EMC10: variants seen among roughly 807,000 people sequenced by gnomAD.
The protein encoded by EMC10 is ER membrane protein complex subunit 10.
Under a neutral mutation model 32.2 loss-of-function variants are expected in EMC10, and 40 were observed. The observed-to-expected ratio is 1.24, with a 90% confidence interval of 0.96 to 1.61. The LOEUF (loss-of-function observed/expected upper bound fraction) is 1.61, where lower values mean the gene tolerates loss of function less well. Ranked by LOEUF, EMC10 falls within the 40% of genes most tolerant of loss-of-function variation. EMC10 has a pLI of 0.00. For synonymous variants in EMC10, 178 were observed against 158.4 expected (o/e 1.12, Z -0.93); for missense variants, 402 against 357.7 (o/e 1.12, Z -1.00).
chr19:50,476,913 C>A (rs548881862), intron 1 of EMC10: 11 of 390,632 alleles, frequency 2.8e-5, no homozygotes, highest in African/African-American at 2.1e-4. Context: ...GGGGGCGGGG[C>A]TGGGGGTGTG....
chr19:50,482,496 T>C lies in EMC10; in HGVS notation c.*237T>C. On this transcript the variant is annotated 3_prime_UTR_variant, in exon 7 of 7. Transcript: ENST00000334976. ...TGCGCCCGCCTCCCCCATGGCCCCA[T>C]GCAGCCCCAGGGGCTTCCCCCCTGC... is the stretch of plus-strand genomic sequence containing the variant. The C allele has an allele frequency of 1.7e-6, 1 of 578,868 alleles. No homozygotes were observed. Among genetic ancestry groups the C allele is most frequent in the South Asian group, 2.1e-5 (1 of 46,544 alleles). 35.9% of individuals were successfully genotyped at this position (578,868 alleles called of 1,614,324 possible). A position where few individuals can be genotyped will look rare whatever the true frequency, so the allele number is the denominator to read the frequency against.
At chr19:50,477,305 A>C (rs2122654058) in intron 1 of EMC10, 1 of 152,614 alleles carries the variant, frequency 6.6e-6, no homozygotes, top group South Asian at 2.0e-4. Flanking sequence ...CGGGAGGCTG[A>C]GGCAGGAGAA....
Position 50,476,535 on chromosome 19 carries a change from A to T in EMC10, c.-10A>T. 1 of 1,571,056 alleles carries T rather than the reference A, an allele frequency of 6.4e-7. No homozygotes were observed. The highest frequency in any genetic ancestry group is 1.1e-5 in the South Asian group (1 of 87,892). ...CACAGCCGTCCCTTCGCTGGTGGGA[A>T]GAAGCCGAGATGGCGGCAGCCAGCG... On this transcript the variant is annotated 5_prime_UTR_variant, in exon 1 of 7. In the 5' UTR this introduces an upstream ATG that the reference lacks. Transcript: ENST00000334976.
At position 50,490,607 on chromosome 19, in the gene EMC10, G is replaced by A. The variant is rs1978585239; in HGVS notation, c.*8348G>A. The A allele has an allele frequency of 6.6e-6, 1 of 152,140 alleles. No individual in the cohort carries two copies. The highest frequency in any genetic ancestry group is 2.1e-4 in the South Asian group (1 of 4,826). The allele number at this position is 152,140 out of a possible 1,614,324, so 9.4% of individuals were successfully genotyped here. On this transcript the variant is annotated 3_prime_UTR_variant, in exon 7 of 7. Transcript: ENST00000334976. The stretch of plus-strand genomic sequence containing the variant: ...CAGGGGCCTCACCTGGGCTACCTGG[G>A]GTGGGTGGACCCTCCACTGTGCCAA...
rs1053382534 is a variant in EMC10, at chr19:50,484,389, G to C, written c.*2130G>C. The C allele has an allele frequency of 5.3e-5, 8 of 152,180 alleles. No homozygotes were observed. Among genetic ancestry groups the C allele is most frequent in the African/African-American group, 1.4e-4 (6 of 41,422 alleles). The allele number at this position is 152,180 out of a possible 1,614,324, so 9.4% of individuals were successfully genotyped here. A position where few individuals can be genotyped will look rare whatever the true frequency, so the allele number is the denominator to read the frequency against. Reference sequence around the variant, plus strand: ...TCCTGGTCCCTGTGTCTGATCTGCAGATGTCTTCTACCCCGGCACTGGGGG... The same window carrying C: ...TCCTGGTCCCTGTGTCTGATCTGCACATGTCTTCTACCCCGGCACTGGGGG... On this transcript the variant is annotated 3_prime_UTR_variant, in exon 7 of 7. Coordinates refer to ENST00000334976, the MANE Select transcript of EMC10 (RefSeq NM_206538.4).
In EMC10 at chr19:50,479,345, G is replaced by A. The variant is rs755958841; in HGVS notation, c.297+279G>A. On this transcript the variant is annotated intron_variant, in intron 3 of 6. Coordinates refer to ENST00000334976, the MANE Select transcript of EMC10 (RefSeq NM_206538.4). ...CCTTCCCCTGCAGGTTCACACAGTCGGCTCCTCTTCTTTTCCAGATCAGCT... is the reference window on the plus strand; with the variant it reads ...CCTTCCCCTGCAGGTTCACACAGTCAGCTCCTCTTCTTTTCCAGATCAGCT... Among the ~76,000 whole-genome samples, 68 of 152,296 alleles carry A rather than the reference G, an allele frequency of 4.5e-4. 1 individual carries two copies. The highest frequency in any genetic ancestry group is 5.6e-4 in the Non-Finnish European group (38 of 68,022).
At chr19:50,477,110 A>G (rs1334425849) in intron 1 of EMC10, 2 of 154,006 alleles carry the variant, frequency 1.3e-5, no homozygotes, top group Non-Finnish European at 2.9e-5. Flanking sequence ...CTAAAAAAAA[A>G]AAAAAAATTA....
Position 50,482,585 on chromosome 19 carries a change from G to A in EMC10, c.*326G>A, listed in dbSNP as rs1376035124. 10 of 507,630 alleles carry A rather than the reference G, an allele frequency of 2.0e-5. No individual in the cohort carries two copies. The highest frequency in any genetic ancestry group is 3.5e-5 in the Non-Finnish European group (10 of 289,344). The allele number at this position is 507,630 out of a possible 1,614,324, so 31.4% of individuals were successfully genotyped here. ...TTCTGACCTCGCATCCCCCTACCCC[G>A]AGCCCATGCAGTCTGGGAACATGCC... On this transcript the variant is annotated 3_prime_UTR_variant, in exon 7 of 7. Transcript: ENST00000334976.
Position 50,486,704 on chromosome 19 carries a change from CTT to C in EMC10, c.*4447_*4448del, listed in dbSNP as rs1225987840. 6.6e-6 allele frequency: 1 copy of C among 152,146 alleles called. No homozygotes were observed. Among genetic ancestry groups the C allele is most frequent in the Admixed American group, 6.5e-5 (1 of 15,268 alleles). The allele number at this position is 152,146 out of a possible 1,614,324, so 9.4% of individuals were successfully genotyped here. ...TTTGTGTGAACCAAATTCCATTTTC[CTT>C]TGTTTCCCATGTGCAGTCCCAGTTG... On this transcript the variant is annotated 3_prime_UTR_variant, in exon 7 of 7. Coordinates refer to ENST00000334976, the MANE Select transcript of EMC10 (RefSeq NM_206538.4).
At chr19:50,479,235 GGCATT>G (rs2040279708) in intron 3 of EMC10, among the ~76,000 whole-genome samples, 169 bp downstream of exon 3, 1 of 152,200 alleles carries the variant, frequency 6.6e-6, no homozygotes, top group African/African-American at 2.4e-5. Flanking sequence ...CTGGAGGAAC[GGCATT>G]GCAGTTCGTC....
Position 50,480,149 on chromosome 19 carries a change from C to T in EMC10, c.336C>T (p.Ile112=). The change falls in exon 4 of 7, where the codon ATC becomes ATT. Residue 112 remains isoleucine, a synonymous_variant. Transcript: ENST00000334976. The surrounding 1 kb of genome is among the most constrained non-coding windows in gnomAD (Gnocchi z 4.4). ...TGAATGGCCTGTACCGGGTCCGGAT[C>T]CCAAGGCGACCCGGGGCCCTGGATG... is the stretch of plus-strand genomic sequence containing the variant. ...AALNGLYRVR[I]PRRPGALDGL... The T allele has an allele frequency of 6.2e-7, 1 of 1,613,510 alleles. No individual in the cohort carries two copies. Among genetic ancestry groups the T allele is most frequent in the Non-Finnish European group, 8.5e-7 (1 of 1,179,854 alleles).
At chr19:50,478,569 C>T (rs2040267486) in intron 2 of EMC10, among the ~76,000 whole-genome samples, 1 of 152,224 alleles carries the variant, frequency 6.6e-6, no homozygotes, top group African/African-American at 2.4e-5. Context: ...TGCCCCTCTG[C>T]AAACCCTGGC....
At position 50,488,015 on chromosome 19, in the gene EMC10, G is replaced by C. The variant is rs1471960248; in HGVS notation, c.*5756G>C. The C allele has an allele frequency of 6.6e-6, 1 of 152,516 alleles. No homozygotes were observed. The highest frequency in any genetic ancestry group is 1.5e-5 in the Non-Finnish European group (1 of 68,478). 9.4% of individuals were successfully genotyped at this position (152,516 alleles called of 1,614,324 possible). ...AGGAAAAAAGCAGGAGGAAAGAGCC[G>C]GGCACGGTGGCTCACGCCTGTAATC... On this transcript the variant is annotated 3_prime_UTR_variant, in exon 7 of 7. Coordinates refer to ENST00000334976, the MANE Select transcript of EMC10 (RefSeq NM_206538.4).
Position 50,484,355 on chromosome 19 carries a change from A to G in EMC10, c.*2096A>G, listed in dbSNP as rs2040367030. On this transcript the variant is annotated 3_prime_UTR_variant, in exon 7 of 7. Transcript: ENST00000334976. ...CTGATGCTTTTTGGGAAGTGTTCCC[A>G]ACTTGGAGTCCTGGTCCCTGTGTCT... 6.6e-6 allele frequency: 1 copy of G among 151,986 alleles called. No homozygotes were observed. Among genetic ancestry groups the G allele is most frequent in the Non-Finnish European group, 1.5e-5 (1 of 68,006 alleles). 9.4% of individuals were successfully genotyped at this position (151,986 alleles called of 1,614,324 possible). A position where few individuals can be genotyped will look rare whatever the true frequency, so the allele number is the denominator to read the frequency against.
At position 50,476,606 on chromosome 19, in the gene EMC10, C is replaced by T. The variant is rs1360875299; in HGVS notation, c.62C>T (p.Ala21Val). The change falls in exon 1 of 7, where the codon GCG becomes GTG. Residue 21 changes from alanine (A) to valine (V), a missense_variant. Coordinates refer to ENST00000334976, the MANE Select transcript of EMC10 (RefSeq NM_206538.4). The part of the protein sequence containing the change: ...LLLLLLMAVA[A>V]PSRARGSGCR... The stretch of plus-strand genomic sequence containing the variant: ...CTGCTCTTGCTGATGGCGGTAGCAG[C>T]GCCCAGTCGAGCCCGGGGCAGCGGC... The T allele has an allele frequency of 3.2e-6, 5 of 1,565,562 alleles. No homozygotes were observed. The African/African-American group carries it at 4.1e-5, about 13-fold the overall frequency.
Position 50,482,259 on chromosome 19 carries a change from A to AG in EMC10, c.*3dup, listed in dbSNP as rs959042446. The AG allele has an allele frequency of 1.5e-5, 17 of 1,153,820 alleles. No individual in the cohort carries two copies. In the Admixed American group the frequency reaches 2.2e-4, roughly 15 times the overall value. The allele number at this position is 1,153,820 out of a possible 1,614,324, so 71.5% of individuals were successfully genotyped here. On this transcript the variant is annotated 3_prime_UTR_variant, in exon 7 of 7. Coordinates refer to ENST00000334976, the MANE Select transcript of EMC10 (RefSeq NM_206538.4). ...GTGGTGGTGGGGGTAGTGGCCGGTGAGGGCCCAGGCTGGTCAGCGTCCCGT... is the reference window on the plus strand; with the variant it reads ...GTGGTGGTGGGGGTAGTGGCCGGTGAGGGGCCCAGGCTGGTCAGCGTCCCGT...
chr19:50,490,030 C>G lies in EMC10; in HGVS notation c.*7771C>G, dbSNP rs1049798461. The G allele has an allele frequency of 6.6e-6, 1 of 152,192 alleles. No individual in the cohort carries two copies. The highest frequency in any genetic ancestry group is 2.4e-5 in the African/African-American group (1 of 41,382). 9.4% of individuals were successfully genotyped at this position (152,192 alleles called of 1,614,324 possible). A position where few individuals can be genotyped will look rare whatever the true frequency, so the allele number is the denominator to read the frequency against. On this transcript the variant is annotated 3_prime_UTR_variant, in exon 7 of 7. Transcript: ENST00000334976. ...AGCAAAGCAAGACCAGACTCCTCAT[C>G]CGGTAACACTGTGTCAGGTCATTGC...
intron 2 of EMC10, among the ~76,000 whole-genome samples, chr19:50,478,323 T>C (rs1379123090): frequency 3.3e-5 from 5 of 152,166 alleles, no homozygotes; most frequent in Admixed American, 6.5e-5. Context: ...ACAGCAGCCA[T>C]GTGAGGTGGT....
Position 50,482,802 on chromosome 19 carries a change from C to G in EMC10, c.*543C>G. 1 of 519,794 alleles carries G rather than the reference C, an allele frequency of 1.9e-6. No individual in the cohort carries two copies. The highest frequency in any genetic ancestry group is 3.4e-6 in the Non-Finnish European group (1 of 295,532). 32.2% of individuals were successfully genotyped at this position (519,794 alleles called of 1,614,324 possible). On this transcript the variant is annotated 3_prime_UTR_variant, in exon 7 of 7. Coordinates refer to ENST00000334976, the MANE Select transcript of EMC10 (RefSeq NM_206538.4). Reference sequence around the variant, plus strand: ...ATCAGGGGCAGAGGCATGAAAGAGTCGGGGCTGGATGGCCGGGGGCTTCTG... The same window carrying G: ...ATCAGGGGCAGAGGCATGAAAGAGTGGGGGCTGGATGGCCGGGGGCTTCTG...
Sources: gnomAD v4.1 joint callset for allele counts (sites outside exome capture counted in the v4.1 genomes callset) on GRCh38, gnomAD v4.1.1 for gene constraint, Gnocchi (gnomAD v3.1) non-coding constraint, MANE v1.5 for transcripts, NCBI Gene and HGNC (gene_info 2026-07-23, HGNC 2026-07-21) for gene names.